The following PDIA3 variants were observed in gnomAD, a reference collection of about 807,000 sequenced individuals.
PDIA3 encodes protein disulfide isomerase family A member 3.
PDIA3 carries 16 observed loss-of-function variants against 56.9 expected under a neutral mutation model. That is an observed-to-expected ratio of 0.28 (90% CI 0.19 to 0.43). The LOEUF is 0.43. Ranked by LOEUF, PDIA3 falls within the 20% of genes least tolerant of loss-of-function variation. The probability of loss-of-function intolerance (pLI) is 1.00; values close to 1 mark genes in which losing one functional copy is unlikely to be tolerated. For missense variants in PDIA3, 485 were observed against 621.3 expected (o/e 0.78, Z 2.33); for synonymous variants, 192 against 216.5 (o/e 0.89, Z 0.99).
intron 9 of PDIA3, among the ~76,000 whole-genome samples, 155 bp from the exon 10 acceptor site, chr15:43,769,363 A>G (rs1243335198): frequency 6.6e-6 from 1 of 152,166 alleles, no homozygotes; most frequent in Non-Finnish European, 1.5e-5. Context: ...GTGAATGACA[A>G]CATCTTTAAT....
intron 2 of PDIA3, among the ~76,000 whole-genome samples, chr15:43,754,239 C>A (rs1271652832): frequency 1.3e-5 from 2 of 151,718 alleles, no homozygotes; most frequent in African/African-American, 4.8e-5. Flanking sequence ...ACTAAAAATA[C>A]AAAAATTAGC....
Position 43,773,169 on chromosome 15 carries a change from A to G in PDIA3, c.*1951A>G. 1 of 1,613,908 alleles carries G rather than the reference A, an allele frequency of 6.2e-7. No individual in the cohort carries two copies. Among genetic ancestry groups the G allele is most frequent in the African/African-American group, 1.3e-5 (1 of 75,012 alleles). ...TCCAGGATGAGACCTTTAATGTGGG[A>G]CAATTTCTGGTGAAGGTACTCACAG... On this transcript the variant is annotated 3_prime_UTR_variant, in exon 13 of 13. Transcript: ENST00000300289.
Position 43,766,920 on chromosome 15 carries a change from T to C in PDIA3, c.1028+10T>C, listed in dbSNP as rs1474009916. 6.2e-7 allele frequency: 1 copy of C among 1,613,208 alleles called. No individual in the cohort carries two copies. The highest frequency in any genetic ancestry group is 8.5e-7 in the Non-Finnish European group (1 of 1,179,156). ...TGCAGGAGGAGTTCTCGTGAGTTGC[T>C]AGTTGGGCTTTGATTCTCCAAGGCA... On this transcript the variant is annotated intron_variant, in intron 8 of 12. Transcript: ENST00000300289.
At chr15:43,762,179 C>T (rs571826539) in intron 4 of PDIA3, among the ~76,000 whole-genome samples, 3 of 151,988 alleles carry the variant, frequency 2.0e-5, no homozygotes, top group Admixed American at 6.6e-5. Flanking sequence ...AACATAAAAG[C>T]TATGTTTGTG....
intron 10 of PDIA3, 52 bp from the exon 11 acceptor site, chr15:43,770,198 C>T: frequency 1.5e-6 from 2 of 1,358,844 alleles, no homozygotes; most frequent in Non-Finnish European, 2.1e-6. Context: ...ACTAAGTGTC[C>T]CTCTGTCACT....
Position 43,746,462 on chromosome 15 carries a change from T to G in PDIA3, c.-78T>G. ...CAGACGCGCGAGCGCAAGCAGCGGG[T>G]TAGTGGTCGCGCGCCCGACCTCCGC... On this transcript the variant is annotated 5_prime_UTR_variant, in exon 1 of 13. Coordinates refer to ENST00000300289, the MANE Select transcript of PDIA3 (RefSeq NM_005313.5). 1.5e-6 allele frequency: 2 copies of G among 1,340,660 alleles called. No homozygotes were observed. The highest frequency in any genetic ancestry group is 1.5e-5 in the African/African-American group (1 of 65,170). The allele number at this position is 1,340,660 out of a possible 1,614,324, so 83.0% of individuals were successfully genotyped here.
chr15:43,749,993 A>G lies in PDIA3; in HGVS notation c.167+3287A>G, dbSNP rs2086733199. ...TTTTTTTTTTAACCTTATTCTCGTC[A>G]CAAAATAGACCTATTTAAGCAAATT... On this transcript the variant is annotated intron_variant, in intron 1 of 12. Transcript: ENST00000300289. Among the ~76,000 whole-genome samples the G allele has an allele frequency of 2.6e-5, 4 of 151,480 alleles. No homozygotes were observed. In the South Asian group the frequency reaches 8.3e-4, roughly 31 times the overall value.
chr15:43,749,070 C>T (rs2086726543), intron 1 of PDIA3, among the ~76,000 whole-genome samples: 1 of 151,652 alleles, frequency 6.6e-6, no homozygotes, highest in African/African-American at 2.4e-5. Flanking sequence ...TGCACCCAGC[C>T]TGTTTTTTTG....
At chr15:43,747,159 A>G (rs1032984110) in intron 1 of PDIA3, 6 of 158,696 alleles carry the variant, frequency 3.8e-5, no homozygotes, top group African/African-American at 1.4e-4. Flanking sequence ...CACGCCGCAC[A>G]GCCATTGGTT....
intron 1 of PDIA3, chr15:43,751,714 C>A: frequency 7.7e-7 from 1 of 1,301,938 alleles, no homozygotes; most frequent in Non-Finnish European, 1.0e-6. Flanking sequence ...TTGCAGCTTA[C>A]ACACACACCT....
At chr15:43,763,788 G>T (rs1020899844) in intron 5 of PDIA3, among the ~76,000 whole-genome samples, 3 of 151,398 alleles carry the variant, frequency 2.0e-5, no homozygotes, top group African/African-American at 7.3e-5. Flanking sequence ...GGGTAGGGGG[G>T]TAATATCAGA....
In PDIA3 at chr15:43,769,857, C is replaced by T. The variant is rs142131986; in HGVS notation, c.1266+211C>T. On this transcript the variant is annotated intron_variant, in intron 10 of 12. Transcript: ENST00000300289. ...CACTTTTAACATTCCATTCCTCAGG[C>T]TCAATCTAGATAATGGTTAAAAATA... is the stretch of plus-strand genomic sequence containing the variant. Among the ~76,000 whole-genome samples, 43 of 152,320 alleles carry T rather than the reference C, an allele frequency of 2.8e-4. 1 individual carries two copies. The East Asian group carries it at 8.3e-3, about 29-fold the overall frequency.
At chr15:43,752,183 ATTC>A (rs758203382) in intron 1 of PDIA3, among the ~76,000 whole-genome samples, 4 of 152,206 alleles carry the variant, frequency 2.6e-5, no homozygotes, top group Non-Finnish European at 5.9e-5. Flanking sequence ...GCTTACTGGT[ATTC>A]TTTTACGTTT....
In PDIA3 at chr15:43,773,055, T is replaced by C; in HGVS notation, c.*1837T>C. 6.9e-7 allele frequency: 1 copy of C among 1,449,416 alleles called. No individual in the cohort carries two copies. Among genetic ancestry groups the C allele is most frequent in the African/African-American group, 1.4e-5 (1 of 70,224 alleles). 89.8% of individuals were successfully genotyped at this position (1,449,416 alleles called of 1,614,324 possible). On this transcript the variant is annotated 3_prime_UTR_variant, in exon 13 of 13. Coordinates refer to ENST00000300289, the MANE Select transcript of PDIA3 (RefSeq NM_005313.5). Reference sequence around the variant, plus strand: ...GCAGATAGTTGCATTCTATTTAGTTTATAGCTGCTTTGTTCCTTTGTGTTT... The same window carrying C: ...GCAGATAGTTGCATTCTATTTAGTTCATAGCTGCTTTGTTCCTTTGTGTTT...
intron 1 of PDIA3, among the ~76,000 whole-genome samples, chr15:43,751,991 T>C (rs2086747389): frequency 6.6e-6 from 1 of 152,246 alleles, no homozygotes; most frequent in African/African-American, 2.4e-5. Context: ...ATTGCTGCCA[T>C]TCCGGTCCAA....
intron 1 of PDIA3, among the ~76,000 whole-genome samples, chr15:43,749,863 C>G (rs2086732258): frequency 6.6e-6 from 1 of 152,068 alleles, no homozygotes; most frequent in Non-Finnish European, 1.5e-5. Flanking sequence ...GAGAAGATCA[C>G]TTGAGCCTGG....
Position 43,771,867 on chromosome 15 carries a change from C to T in PDIA3, c.*649C>T, listed in dbSNP as rs931433632. 1 of 368,240 alleles carries T rather than the reference C, an allele frequency of 2.7e-6. No homozygotes were observed. Among genetic ancestry groups the T allele is most frequent in the Non-Finnish European group, 4.8e-6 (1 of 207,080 alleles). The allele number at this position is 368,240 out of a possible 1,614,324, so 22.8% of individuals were successfully genotyped here. A position where few individuals can be genotyped will look rare whatever the true frequency, so the allele number is the denominator to read the frequency against. ...CCTGGTGATTAGAACAGCTGAAGGG[C>T]CTTTCTTGTTAGGCTGTCCATGCCC... On this transcript the variant is annotated 3_prime_UTR_variant, in exon 13 of 13. Transcript: ENST00000300289.
chr15:43,756,112 C>T (rs1396946728), intron 2 of PDIA3, among the ~76,000 whole-genome samples: 1 of 152,064 alleles, frequency 6.6e-6, no homozygotes, highest in East Asian at 1.9e-4. Flanking sequence ...AAATTATTTT[C>T]CTTCTTCCTG....
chr15:43,755,474 A>T (rs1266668072), intron 2 of PDIA3, among the ~76,000 whole-genome samples: 2 of 152,242 alleles, frequency 1.3e-5, no homozygotes, highest in Non-Finnish European at 2.9e-5. Flanking sequence ...TTTTACAATT[A>T]AAGTAATGCT....
Sources: gnomAD v4.1 joint callset for allele counts (sites outside exome capture counted in the v4.1 genomes callset) on GRCh38, gnomAD v4.1.1 for gene constraint, MANE v1.5 for transcripts, NCBI Gene and HGNC (gene_info 2026-07-23, HGNC 2026-07-21) for gene names.